BBS4: variants seen among roughly 807,000 people sequenced by gnomAD.
BBS4 encodes the protein BBSome complex member BBS4.
BBS4 carries 58 observed loss-of-function variants against 71.4 expected under a neutral mutation model. The ratio of observed to expected loss-of-function variants is 0.81; its 90% CI spans 0.66 to 1.01. The LOEUF is 1.01. Ranked by LOEUF, BBS4 falls within the 50% of genes least tolerant of loss-of-function variation. The pLI, the probability that BBS4 is intolerant of heterozygous loss-of-function variation, is 0.00. For missense variants in BBS4, 660 were observed against 607.9 expected (o/e 1.09, Z -0.90); for synonymous variants, 228 against 216.8 (o/e 1.05, Z -0.46).
At chr15:72,732,591 T>C (rs2065846962) in intron 12 of BBS4, among the ~76,000 whole-genome samples, 1 of 152,022 alleles carries the variant, frequency 6.6e-6, no homozygotes, top group South Asian at 2.1e-4. Context: ...GCAAAAGCAA[T>C]TGTGGTTATT....
At chr15:72,714,216 CTTACT>C (rs2065427153) in intron 4 of BBS4, among the ~76,000 whole-genome samples, 2 of 124,662 alleles carry the variant, frequency 1.6e-5, no homozygotes, top group African/African-American at 5.6e-5. Context: ...GGACCACTCA[CTTACT>C]TTTTTTTTTT....
chr15:72,686,260 C>T lies in BBS4; in HGVS notation c.24+9C>T, dbSNP rs764265740. ...AGGAGAGAGTCGCGACGGTGAGCGCCGAGATTCTCTTTAGTTGCCCGGCCG... is the reference window on the plus strand; with the variant it reads ...AGGAGAGAGTCGCGACGGTGAGCGCTGAGATTCTCTTTAGTTGCCCGGCCG... On this transcript the variant is annotated intron_variant, in intron 1 of 15. Transcript: ENST00000268057. The T allele has an allele frequency of 8.9e-5, 140 of 1,564,764 alleles. 1 individual carries two copies. Among genetic ancestry groups the T allele is most frequent in the Non-Finnish European group, 8.7e-6 (10 of 1,155,444 alleles).
chr15:72,686,935 G>A (rs2064857259), intron 1 of BBS4: 2 of 224,428 alleles, frequency 8.9e-6, no homozygotes, highest in Admixed American at 1.0e-4. Flanking sequence ...TAGGTATTCG[G>A]AATTTATTGT....
intron 2 of BBS4, among the ~76,000 whole-genome samples, chr15:72,704,838 C>T (rs1042345287): frequency 1.3e-5 from 2 of 149,786 alleles, no homozygotes; most frequent in African/African-American, 2.4e-5. Context: ...TAAGATCGCG[C>T]CACTGCACTC....
intron 8 of BBS4, among the ~76,000 whole-genome samples, chr15:72,726,174 C>T (rs575086273): frequency 9.9e-5 from 15 of 151,430 alleles, no homozygotes; most frequent in East Asian, 2.0e-4. Flanking sequence ...TGCAGTGGCG[C>T]GATCTCGCCT....
At chr15:72,688,309 A>G (rs1407150924) in intron 1 of BBS4, among the ~76,000 whole-genome samples, 1 of 151,954 alleles carries the variant, frequency 6.6e-6, no homozygotes, top group Non-Finnish European at 1.5e-5. Flanking sequence ...ATTGTTGTCA[A>G]ATTTATTGCT....
At chr15:72,700,279 T>C (rs1288994168) in intron 2 of BBS4, among the ~76,000 whole-genome samples, 2 of 152,314 alleles carry the variant, frequency 1.3e-5, no homozygotes, top group East Asian at 3.9e-4. Context: ...TGCATGTGTG[T>C]GCAAGTTTTC....
In BBS4 at chr15:72,706,239, C is replaced by T. The variant is rs574186518; in HGVS notation, c.77-3461C>T. On this transcript the variant is annotated intron_variant, in intron 2 of 15. Coordinates refer to ENST00000268057, the MANE Select transcript of BBS4 (RefSeq NM_033028.5). ...GCAACCCCCGTCTCCTGGGTTCAAG[C>T]GATTCTTTTGCCTCAGCCTCCCGAG... Among the ~76,000 whole-genome samples, 6 of 152,148 alleles carry T rather than the reference C, an allele frequency of 3.9e-5. No homozygotes were observed. The South Asian group carries it at 6.2e-4, about 16-fold the overall frequency.
chr15:72,694,292 G>C (rs1463514103), intron 1 of BBS4, among the ~76,000 whole-genome samples: 3 of 151,156 alleles, frequency 2.0e-5, no homozygotes, highest in Non-Finnish European at 2.9e-5. Context: ...CCAAGTTCAA[G>C]CCATTCTCCT....
At chr15:72,686,435 T>G (rs2064839114) in intron 1 of BBS4, 184 bp downstream of exon 1, 1 of 1,533,452 alleles carries the variant, frequency 6.5e-7, no homozygotes, top group South Asian at 1.2e-5. Context: ...CAAGTCTGGA[T>G]ACTTAGCAGC....
intron 6 of BBS4, 82 bp from the exon 7 acceptor site, chr15:72,722,712 A>G (rs2065599441): frequency 3.1e-6 from 4 of 1,298,032 alleles, no homozygotes; most frequent in African/African-American, 2.9e-5. Context: ...AGCAATAACA[A>G]TCTCTAGATG....
chr15:72,736,488 C>T (rs1371373605), intron 14 of BBS4, among the ~76,000 whole-genome samples: 1 of 152,096 alleles, frequency 6.6e-6, no homozygotes, highest in Non-Finnish European at 1.5e-5. Flanking sequence ...GATCCACGTG[C>T]CCAGCCCTAT....
At chr15:72,713,705 G>C (rs2065418840) in intron 4 of BBS4, among the ~76,000 whole-genome samples, 1 of 152,138 alleles carries the variant, frequency 6.6e-6, no homozygotes, top group South Asian at 2.1e-4. Flanking sequence ...GTTTATACCA[G>C]CATCACTACA....
Position 72,727,970 on chromosome 15 carries a change from A to G in BBS4, c.618A>G (p.Thr206=). The G allele has an allele frequency of 6.2e-7, 1 of 1,612,754 alleles. No individual in the cohort carries two copies. The highest frequency in any genetic ancestry group is 8.5e-7 in the Non-Finnish European group (1 of 1,178,790). The change falls in exon 9 of 16, where the codon ACA becomes ACG. Residue 206 remains threonine, a synonymous_variant. Transcript: ENST00000268057. ...EFSPENTELL[T]TLGLLYLQLG... ...CACCAGAAAATACAGAGCTTCTTAC[A>G]ACTTTAGGATTACTCTACTTACAGG...
intron 6 of BBS4, among the ~76,000 whole-genome samples, chr15:72,717,856 T>C (rs1355732683): frequency 1.0e-4 from 1 of 9,988 alleles, no homozygotes; most frequent in Non-Finnish European, 1.2e-3. Context: ...TCTTTGTGTG[T>C]GGTGCGGGGG....
intron 4 of BBS4, 135 bp downstream of exon 4, chr15:72,712,442 T>A (rs1329369041): frequency 3.4e-6 from 3 of 879,410 alleles, no homozygotes; most frequent in Non-Finnish European, 5.5e-6. Context: ...TTCTAAGAAA[T>A]GTGTTGTTAG....
In BBS4 at chr15:72,727,938, A is replaced by G; in HGVS notation, c.588-2A>G. ...TTCCCTCTGAGCATCTCTATGTTGCAGGTTCTCACCAGAAAATACAGAGCT... is the reference window on the plus strand; with the variant it reads ...TTCCCTCTGAGCATCTCTATGTTGCGGGTTCTCACCAGAAAATACAGAGCT... On this transcript the variant is annotated splice_acceptor_variant, in intron 8 of 15. Coordinates refer to ENST00000268057, the MANE Select transcript of BBS4 (RefSeq NM_033028.5). LOFTEE classifies it high-confidence loss of function. The G allele has an allele frequency of 1.9e-6, 3 of 1,610,006 alleles. No individual in the cohort carries two copies. The highest frequency in any genetic ancestry group is 2.6e-6 in the Non-Finnish European group (3 of 1,176,296).
In BBS4 at chr15:72,724,547, A is replaced by G. The variant is rs1212742233; in HGVS notation, c.479A>G (p.Asn160Ser). The G allele has an allele frequency of 4.3e-6, 7 of 1,614,094 alleles. No homozygotes were observed. The East Asian group carries it at 1.1e-4, about 26-fold the overall frequency. Residue 160 changes from asparagine to serine, a missense_variant, in exon 8 of 16, where the codon AAT becomes AGT. Physicochemically the swap from Asn to Ser is conservative, Grantham distance 46 (BLOSUM62 1). Coordinates refer to ENST00000268057, the MANE Select transcript of BBS4 (RefSeq NM_033028.5). Reference protein sequence around the residue: ...QFNKAQDQLHNALNLNRHDLT... With the variant: ...QFNKAQDQLHSALNLNRHDLT... ...TGTCAGGCACAAGACCAGTTGCACAATGCCCTGAATCTTAATAGGCACGAT... is the reference window on the plus strand; with the variant it reads ...TGTCAGGCACAAGACCAGTTGCACAGTGCCCTGAATCTTAATAGGCACGAT...
chr15:72,731,039 G>T (rs1452962629), intron 10 of BBS4, among the ~76,000 whole-genome samples: 1 of 139,550 alleles, frequency 7.2e-6, no homozygotes, highest in African/African-American at 2.6e-5. Flanking sequence ...GTAGGAAACA[G>T]ATGGGTAAAG....
Sources: gnomAD v4.1 joint callset for allele counts (sites outside exome capture counted in the v4.1 genomes callset) on GRCh38, gnomAD v4.1.1 for gene constraint, MANE v1.5 for transcripts, NCBI Gene and HGNC (gene_info 2026-07-23, HGNC 2026-07-21) for gene names.